The following SYNE1 variants were observed in gnomAD, a reference collection of about 807,000 sequenced individuals.
SYNE1 encodes the protein spectrin repeat containing nuclear envelope protein 1.
Under a neutral mutation model 1,111.0 loss-of-function variants are expected in SYNE1, and 616 were observed. The observed-to-expected ratio is 0.55, with a 90% confidence interval of 0.52 to 0.59. The LOEUF (loss-of-function observed/expected upper bound fraction) is 0.59, where lower values mean the gene tolerates loss of function less well. SYNE1 is among the 20% of genes least tolerant of loss of function. The pLI is 0.00. For missense variants in SYNE1, 10,006 were observed against 10,417.0 expected, an observed-to-expected ratio of 0.96 and a Z score of 1.72; for synonymous variants, 3,855 against 3,825.8, an observed-to-expected ratio of 1.01 and a Z score of -0.28.
intron 86 of SYNE1, among the ~76,000 whole-genome samples, chr6:152,317,394 TGAATCTTTTGTAGGTTTCA>T (rs1163652732): frequency 1.3e-5 from 2 of 152,014 alleles, no homozygotes; most frequent in Non-Finnish European, 2.9e-5. Context: ...GTTAAATTTT[TGAATCTTTTGTAGGTTTCA>T]CCATGTTGCC....
intron 3 of SYNE1, among the ~76,000 whole-genome samples, chr6:152,582,429 G>C (rs1300042478): frequency 6.6e-6 from 1 of 151,972 alleles, no homozygotes; most frequent in Non-Finnish European, 1.5e-5. Flanking sequence ...ATATACATGT[G>C]TGTGCATGAG....
At chr6:152,127,701 G>C (rs1246321290) in intron 145 of SYNE1, 2 of 152,104 alleles carry the variant, frequency 1.3e-5, no homozygotes, top group Non-Finnish European at 2.9e-5. Context: ...TGCCTTAGAG[G>C]GGAGAGGCTC....
At chr6:152,367,825 C>T (rs2097107101) in intron 61 of SYNE1, 1 of 212,300 alleles carries the variant, frequency 4.7e-6, no homozygotes, top group Non-Finnish European at 9.6e-6. Flanking sequence ...TGGGACCATA[C>T]ACATGGTTTT....
At chr6:152,585,815 C>T (rs1474961506) in intron 3 of SYNE1, among the ~76,000 whole-genome samples, 2 of 152,092 alleles carry the variant, frequency 1.3e-5, no homozygotes, top group African/African-American at 2.4e-5. Flanking sequence ...CATATGGAAT[C>T]GTAAAAATAA....
At chr6:152,350,024 A>G (rs959422008) in intron 72 of SYNE1, 144 bp downstream of exon 72, 2 of 1,090,830 alleles carry the variant, frequency 1.8e-6, no homozygotes, top group Non-Finnish European at 2.7e-6. Flanking sequence ...GGACTAATAC[A>G]GACCTGATTC....
At chr6:152,245,527 G>C (rs1312974916) in intron 105 of SYNE1, among the ~76,000 whole-genome samples, 1 of 152,210 alleles carries the variant, frequency 6.6e-6, no homozygotes, top group African/African-American at 2.4e-5. Context: ...GTCAGAGTGA[G>C]TATTTTGTTT....
chr6:152,335,051 C>T (rs2096351921), intron 76 of SYNE1, among the ~76,000 whole-genome samples: 1 of 152,178 alleles, frequency 6.6e-6, no homozygotes, highest in Non-Finnish European at 1.5e-5. Context: ...CAAAAAGAAA[C>T]CTCTAAGATA....
At chr6:152,570,842 C>G (rs1227953975) in intron 3 of SYNE1, among the ~76,000 whole-genome samples, 1 of 152,014 alleles carries the variant, frequency 6.6e-6, no homozygotes, top group African/African-American at 2.4e-5. Context: ...GACAAACAAG[C>G]AAACAAAAAA....
chr6:152,440,493 T>G (rs1260936853), intron 32 of SYNE1, among the ~76,000 whole-genome samples: 1 of 152,078 alleles, frequency 6.6e-6, no homozygotes, highest in Non-Finnish European at 1.5e-5. Flanking sequence ...CCAAAGAATG[T>G]CTGTATTTTG....
intron 126 of SYNE1, among the ~76,000 whole-genome samples, chr6:152,204,251 C>T (rs896672632): frequency 1.3e-5 from 2 of 151,428 alleles, no homozygotes; most frequent in African/African-American, 4.9e-5. Flanking sequence ...TGTAATCCCA[C>T]CTACTTGAGA....
At chr6:152,418,044 C>A (rs2098191522) in intron 40 of SYNE1, among the ~76,000 whole-genome samples, 1 of 152,158 alleles carries the variant, frequency 6.6e-6, no homozygotes, top group Non-Finnish European at 1.5e-5. Context: ...GAAATTATCA[C>A]CTATCTTAAT....
intron 91 of SYNE1, among the ~76,000 whole-genome samples, chr6:152,306,717 C>CA (rs71556249): frequency 0.49 from 68,626 of 139,562 alleles, 17,011 homozygotes; most frequent in East Asian, 0.65. Context: ...CTCTACTCTA[C>CA]AAAAAAAAAA....
chr6:152,396,864 G>A lies in SYNE1; in HGVS notation c.7467C>T (p.Ile2489=). 3 of 1,614,150 alleles carry A rather than the reference G, an allele frequency of 1.9e-6. No homozygotes were observed. Among genetic ancestry groups the A allele is most frequent in the Non-Finnish European group, 2.5e-6 (3 of 1,180,024 alleles). ...KQIVSSIQEQ[I]TKANEEFQAF... The stretch of plus-strand genomic sequence containing the variant: ...CTTGAAACTCTTCATTGGCCTTTGT[G>A]ATTTGTTCTTGAATGCTACTGACAA... Residue 2489 remains isoleucine (I), a synonymous_variant, in exon 50 of 146, where the codon ATC becomes ATT. Coordinates refer to ENST00000367255, the MANE Select transcript of SYNE1 (RefSeq NM_182961.4).
intron 38 of SYNE1, among the ~76,000 whole-genome samples, chr6:152,426,748 C>A (rs566167729): frequency 6.6e-6 from 1 of 152,284 alleles, no homozygotes; most frequent in South Asian, 2.1e-4. Context: ...TGAGAAGGGA[C>A]TTTGTGGAAG....
At position 152,350,695 on chromosome 6, in the gene SYNE1, G is replaced by A. The variant is rs755039909; in HGVS notation, c.11656C>T (p.Leu3886=). The part of the protein sequence containing the change: ...VREKGEALLE[L]VQDVTLKDKI... ...TCCTTTAAAGTGACGTCCTGCACCA[G>A]TTCCAAAAGAGCTTCACCCTTCTCT... The change falls in exon 71 of 146, where the codon CTG becomes TTG. Residue 3886 remains leucine (L), a synonymous_variant. Coordinates refer to ENST00000367255, the MANE Select transcript of SYNE1 (RefSeq NM_182961.4). The A allele has an allele frequency of 3.7e-6, 6 of 1,613,996 alleles. No homozygotes were observed. In the East Asian group the frequency reaches 6.7e-5, roughly 18 times the overall value.
At chr6:152,172,497 A>T (rs1432988851) in intron 130 of SYNE1, among the ~76,000 whole-genome samples, 6 of 152,192 alleles carry the variant, frequency 3.9e-5, no homozygotes, top group Non-Finnish European at 5.9e-5. Context: ...CTGCCCCCAA[A>T]TCATCACAAC....
At chr6:152,230,737 T>C (rs2082588816) in intron 114 of SYNE1, 35 bp from the exon 115 acceptor site, 17 of 1,607,124 alleles carry the variant, frequency 1.1e-5, no homozygotes, top group Non-Finnish European at 1.4e-5. Context: ...TTTGCAACTT[T>C]ATTTTAATAA....
chr6:152,233,872 G>A lies in SYNE1; in HGVS notation c.20621C>T (p.Thr6874Ile). The A allele has an allele frequency of 1.9e-6, 3 of 1,614,226 alleles. No individual in the cohort carries two copies. The highest frequency in any genetic ancestry group is 2.5e-6 in the Non-Finnish European group (3 of 1,180,040). ...NQLLRLKKVD[T>I]ATLRSELSRI... ...CGACAGCTCAGAGCGCAGCGTGGCT[G>A]TGTCCACCTTTTTTAGTCGAAGGAG... The change falls in exon 112 of 146, where the codon ACA (threonine) becomes ATA (isoleucine). Residue 6874 changes from threonine (T) to isoleucine (I), a missense_variant. Physicochemically the swap from Thr to Ile is moderately conservative, Grantham distance 89 (BLOSUM62 -1). This residue lies in a region of SYNE1 where 2,182 missense variants were observed against 2,287.8 expected (regional missense o/e 0.95). Transcript: ENST00000367255.
intron 6 of SYNE1, chr6:152,511,512 C>T (rs531195514): frequency 1.3e-6 from 2 of 1,507,682 alleles, no homozygotes; most frequent in African/African-American, 1.4e-5. Flanking sequence ...TAGCAGGTAA[C>T]TTATGTTCCC....
Sources: gnomAD v4.1 joint callset for allele counts (sites outside exome capture counted in the v4.1 genomes callset) on GRCh38, gnomAD v4.1.1 for gene constraint, gnomAD v4.1.1 regional missense constraint, MANE v1.5 for transcripts, NCBI Gene and HGNC (gene_info 2026-07-23, HGNC 2026-07-21) for gene names.